SORCS1: variants seen among roughly 807,000 people sequenced by gnomAD.
SORCS1 encodes sortilin related VPS10 domain containing receptor 1.
SORCS1 carries 60 observed loss-of-function variants against 146.1 expected under a neutral mutation model. The observed-to-expected ratio is 0.41, with a 90% CI of 0.33 to 0.51. The LOEUF is 0.51. SORCS1 is among the 20% of genes least tolerant of loss of function. SORCS1 has a pLI of 0.21. For missense variants in SORCS1, 1,352 were observed against 1,487.6 expected (o/e 0.91, Z 1.50); for synonymous variants, 637 against 584.0 (o/e 1.09, Z -1.31).
chr10:106,859,260 C>T (rs1039525899), intron 2 of SORCS1, among the ~76,000 whole-genome samples: 3 of 152,180 alleles, frequency 2.0e-5, no homozygotes, highest in Non-Finnish European at 2.9e-5. Context: ...GGCATTGTAT[C>T]GTTGTTGTCA....
intron 2 of SORCS1, among the ~76,000 whole-genome samples, chr10:106,880,499 G>T (rs531432346): frequency 1.3e-5 from 2 of 152,288 alleles, no homozygotes; most frequent in Non-Finnish European, 2.9e-5. Context: ...GAAGGATACA[G>T]TCTGTTAAAG....
At chr10:106,747,723 C>T (rs1368619543) in intron 5 of SORCS1, among the ~76,000 whole-genome samples, 1 of 152,046 alleles carries the variant, frequency 6.6e-6, no homozygotes, top group East Asian at 1.9e-4. Context: ...CATAAGTGCT[C>T]GTGTTCTATA....
At chr10:107,121,000 C>T (rs1240579557) in intron 1 of SORCS1, among the ~76,000 whole-genome samples, 1 of 152,144 alleles carries the variant, frequency 6.6e-6, no homozygotes, top group Non-Finnish European at 1.5e-5. Flanking sequence ...AAGAGAAAAG[C>T]GACCAGCACT....
At chr10:106,712,064 T>C (rs1317327640) in intron 6 of SORCS1, among the ~76,000 whole-genome samples, 1 of 152,210 alleles carries the variant, frequency 6.6e-6, no homozygotes, top group African/African-American at 2.4e-5. Context: ...CAATGTTCCA[T>C]CTTGGTTTTT....
chr10:106,597,347 T>C lies in SORCS1; in HGVS notation c.3265+4A>G, dbSNP rs778328391. ...AGCCAGAACCCCGGGACATGGACAC[T>C]GACCCGCTGTTAAGTGAGCAGCATG... On this transcript the variant is annotated splice_donor_region_variant and intron_variant, in intron 24 of 25. Coordinates refer to ENST00000263054, the MANE Select transcript of SORCS1 (RefSeq NM_052918.5). 7.4e-6 allele frequency: 12 copies of C among 1,613,522 alleles called. No individual in the cohort carries two copies. The highest frequency in any genetic ancestry group is 1.0e-5 in the Non-Finnish European group (12 of 1,179,496).
At chr10:106,645,309 C>T (rs140496257) in intron 18 of SORCS1, among the ~76,000 whole-genome samples, 237 of 152,120 alleles carry the variant, frequency 1.6e-3, no homozygotes, top group African/African-American at 3.5e-3. Context: ...GCTGGGACTA[C>T]GGGCACGTGC....
At chr10:106,623,495 C>A (rs996383538) in intron 19 of SORCS1, among the ~76,000 whole-genome samples, 2 of 151,900 alleles carry the variant, frequency 1.3e-5, no homozygotes, top group Non-Finnish European at 2.9e-5. Context: ...CCGCCCGCCT[C>A]GGCCTCCCAA....
chr10:106,603,312 G>A (rs980711727), intron 23 of SORCS1, among the ~76,000 whole-genome samples: 1 of 152,168 alleles, frequency 6.6e-6, no homozygotes, highest in Non-Finnish European at 1.5e-5. Context: ...CCAGCTCAGG[G>A]CACAAGAGCC....
In SORCS1 at chr10:107,125,059, T is replaced by A. The variant is rs985629135; in HGVS notation, c.558+38910A>T. Among the ~76,000 whole-genome samples, 35 of 151,194 alleles carry A rather than the reference T, an allele frequency of 2.3e-4. 1 individual carries two copies. Among genetic ancestry groups the A allele is most frequent in the Non-Finnish European group, 7.4e-5 (5 of 67,850 alleles). ...CCTCTGCCTCCCAGGTTCAAGAGAT[T>A]CCCCTGCCTCCGCCTCCCAAGCAGC... On this transcript the variant is annotated intron_variant, in intron 1 of 25. Coordinates refer to ENST00000263054, the MANE Select transcript of SORCS1 (RefSeq NM_052918.5).
chr10:106,698,122 T>C (rs1853846746), intron 9 of SORCS1, among the ~76,000 whole-genome samples: 2 of 152,222 alleles, frequency 1.3e-5, no homozygotes, highest in Admixed American at 6.5e-5. Flanking sequence ...ACTAACATGC[T>C]TTTATACATA....
In SORCS1 at chr10:107,001,310, A is replaced by G. The variant is rs1168710196; in HGVS notation, c.559-44730T>C. Among the ~76,000 whole-genome samples the G allele has an allele frequency of 2.0e-5, 3 of 152,140 alleles. No homozygotes were observed. The East Asian group carries it at 5.8e-4, about 29-fold the overall frequency. On this transcript the variant is annotated intron_variant, in intron 1 of 25. Transcript: ENST00000263054. ...GTCATTACCTCTTTAGGCAGTGGGG[A>G]GTGCAATGGGAGGACTCTTGGCCAG...
intron 1 of SORCS1, among the ~76,000 whole-genome samples, chr10:107,150,676 T>C (rs965596839): frequency 1.3e-5 from 2 of 152,194 alleles, no homozygotes; most frequent in Non-Finnish European, 1.5e-5. Context: ...CCACGTGCCA[T>C]GGGAGGGAAC....
chr10:106,633,314 G>A (rs943947852), intron 18 of SORCS1, among the ~76,000 whole-genome samples: 1 of 151,914 alleles, frequency 6.6e-6, no homozygotes, highest in Non-Finnish European at 1.5e-5. Context: ...TCTTTGTGTT[G>A]GAGACATTCA....
At chr10:107,174,922 A>G in the SORCS1 span, among the ~76,000 whole-genome samples, 2 of 152,122 alleles carry the variant, frequency 1.3e-5, no homozygotes, top group African/African-American at 4.8e-5. Context: ...TTTTCTTGCC[A>G]ATCACTTTAT....
chr10:106,584,680 T>A (rs898074746), intron 24 of SORCS1, among the ~76,000 whole-genome samples: 1 of 152,358 alleles, frequency 6.6e-6, no homozygotes, highest in South Asian at 2.1e-4. Flanking sequence ...GCTAACTGAT[T>A]AATGAATCAT....
At chr10:106,661,604 A>G (rs765067623) in intron 17 of SORCS1, among the ~76,000 whole-genome samples, 2 of 152,212 alleles carry the variant, frequency 1.3e-5, no homozygotes, top group Non-Finnish European at 2.9e-5. Flanking sequence ...GGTGATGACT[A>G]TGTGCTAGGC....
At chr10:106,872,523 A>T (rs1468030087) in intron 2 of SORCS1, among the ~76,000 whole-genome samples, 2 of 152,238 alleles carry the variant, frequency 1.3e-5, no homozygotes, top group Non-Finnish European at 2.9e-5. Flanking sequence ...TTTTAATAGA[A>T]TAATGGCTCT....
At chr10:107,067,660 C>T (rs1157828721) in intron 1 of SORCS1, among the ~76,000 whole-genome samples, 1 of 152,128 alleles carries the variant, frequency 6.6e-6, no homozygotes, top group African/African-American at 2.4e-5. Context: ...TTAAGAGAGG[C>T]ATGCAACAGC....
chr10:106,652,396 C>T lies in SORCS1; in HGVS notation c.2461G>A (p.Val821Met), dbSNP rs1290693565. Residue 821 changes from valine (V) to methionine (M), a missense_variant, in exon 18 of 26, where the codon GTG becomes ATG. Coordinates refer to ENST00000263054, the MANE Select transcript of SORCS1 (RefSeq NM_052918.5). Reference protein sequence around the residue: ...AEQGHNVTLMVQLEEGDVQRT... With the variant: ...AEQGHNVTLMMQLEEGDVQRT... ...ATCAGTCCTACCTCTTCTAATTGCA[C>T]CATGAGAGTGACGTTGTGTCCTTGT... 7.4e-6 allele frequency: 12 copies of T among 1,613,958 alleles called. No homozygotes were observed. Among genetic ancestry groups the T allele is most frequent in the Non-Finnish European group, 8.5e-7 (1 of 1,179,938 alleles).
Sources: gnomAD v4.1 joint callset for allele counts (sites outside exome capture counted in the v4.1 genomes callset) on GRCh38, gnomAD v4.1.1 for gene constraint, MANE v1.5 for transcripts, NCBI Gene and HGNC (gene_info 2026-07-23, HGNC 2026-07-21) for gene names.